The following KLHL1 variants were observed in gnomAD, a reference collection of about 807,000 sequenced individuals.
The protein encoded by KLHL1 is kelch like family member 1.
A neutral mutation model predicts 77.7 loss-of-function variants in KLHL1; 47 were observed. That is an observed-to-expected ratio of 0.60 (90% CI 0.48 to 0.77). KLHL1 has a LOEUF of 0.77. Ranked by LOEUF, KLHL1 falls within the 30% of genes least tolerant of loss-of-function variation. KLHL1 has a pLI of 0.00. For missense variants in KLHL1, 925 were observed against 910.8 expected (o/e 1.02, Z -0.20); for synonymous variants, 360 against 325.2 (o/e 1.11, Z -1.15).
intron 4 of KLHL1, among the ~76,000 whole-genome samples, chr13:69,887,093 G>T (rs1229965518): frequency 1.3e-5 from 2 of 152,098 alleles, no homozygotes; most frequent in Admixed American, 6.6e-5. Flanking sequence ...TAATCTTTGG[G>T]TCTAATGTTT....
chr13:69,784,990 C>T (rs36097461), intron 7 of KLHL1, among the ~76,000 whole-genome samples: 37,123 of 146,968 alleles, frequency 0.25, 4,721 homozygotes, highest in South Asian at 0.33. Context: ...CCCGGGTTCA[C>T]GCCATTCTCC....
chr13:69,878,921 A>G (rs1254485908), intron 5 of KLHL1, among the ~76,000 whole-genome samples: 1 of 152,206 alleles, frequency 6.6e-6, no homozygotes, highest in East Asian at 1.9e-4. Context: ...CTATGCAGCC[A>G]TAAAAAATGA....
chr13:69,789,422 C>T (rs966736862), intron 7 of KLHL1, among the ~76,000 whole-genome samples: 8 of 151,488 alleles, frequency 5.3e-5, no homozygotes, highest in South Asian at 4.1e-4. Context: ...ACTATTGAGT[C>T]GAGGAATCTG....
chr13:70,009,309 A>G (rs1885476530), intron 1 of KLHL1, among the ~76,000 whole-genome samples: 1 of 152,160 alleles, frequency 6.6e-6, no homozygotes, highest in South Asian at 2.1e-4. Flanking sequence ...GATGTCATTC[A>G]AAGCTTCTTG....
At chr13:69,925,137 G>A (rs1882771708) in intron 4 of KLHL1, among the ~76,000 whole-genome samples, 1 of 152,204 alleles carries the variant, frequency 6.6e-6, no homozygotes, top group Admixed American at 6.5e-5. Flanking sequence ...ACCGGACACA[G>A]AGGTTTTCAG....
chr13:70,048,360 C>T (rs1167713191), intron 1 of KLHL1, among the ~76,000 whole-genome samples: 1 of 152,216 alleles, frequency 6.6e-6, no homozygotes, highest in African/African-American at 2.4e-5. Flanking sequence ...GGTCTCTACA[C>T]TTATCTTTAA....
At chr13:69,770,961 C>G (rs1274316178) in intron 7 of KLHL1, among the ~76,000 whole-genome samples, 1 of 152,156 alleles carries the variant, frequency 6.6e-6, no homozygotes, top group African/African-American at 2.4e-5. Flanking sequence ...TTATATATCA[C>G]AAGTATGAAT....
chr13:70,072,292 A>T (rs1404908868), intron 1 of KLHL1, among the ~76,000 whole-genome samples: 1 of 152,142 alleles, frequency 6.6e-6, no homozygotes, highest in Non-Finnish European at 1.5e-5. Flanking sequence ...TTGAATAAAA[A>T]ACTAATAACT....
At chr13:70,078,189 C>CA (rs796176718) in intron 1 of KLHL1, among the ~76,000 whole-genome samples, 96 of 145,582 alleles carry the variant, frequency 6.6e-4, no homozygotes, top group East Asian at 4.2e-3. Context: ...TTAACTCAAT[C>CA]AAAAAAAAAA....
intron 4 of KLHL1, among the ~76,000 whole-genome samples, chr13:69,934,960 GTGTATA>G (rs1883122442): frequency 1.4e-5 from 1 of 73,896 alleles, no homozygotes; most frequent in South Asian, 5.0e-4. Context: ...GTGTGTGCAT[GTGTATA>G]TATATATATA....
intron 4 of KLHL1, among the ~76,000 whole-genome samples, chr13:69,889,215 C>A (rs1881335856): frequency 6.6e-6 from 1 of 151,974 alleles, no homozygotes; most frequent in African/African-American, 2.4e-5. Context: ...GGGTTTAAAA[C>A]GAATTTTACT....
chr13:70,058,508 C>T (rs1341393122), intron 1 of KLHL1, among the ~76,000 whole-genome samples: 2 of 152,056 alleles, frequency 1.3e-5, no homozygotes, highest in Non-Finnish European at 2.9e-5. Flanking sequence ...TATGAATAAA[C>T]TTAACCAAAG....
intron 1 of KLHL1, among the ~76,000 whole-genome samples, chr13:70,060,111 A>G (rs1886842259): frequency 6.6e-6 from 1 of 152,206 alleles, no homozygotes; most frequent in South Asian, 2.1e-4. Context: ...TGGGCAAAAG[A>G]TCTGAATAGA....
At chr13:69,703,535 TAG>T (rs1444157644) in intron 10 of KLHL1, among the ~76,000 whole-genome samples, 1 of 151,326 alleles carries the variant, frequency 6.6e-6, no homozygotes, top group East Asian at 1.9e-4. Context: ...AGCCTAAGTG[TAG>T]AGAGTTTTTT....
At chr13:70,084,045 T>C (rs1325150782) in intron 1 of KLHL1, among the ~76,000 whole-genome samples, 6 of 152,160 alleles carry the variant, frequency 3.9e-5, no homozygotes, top group South Asian at 2.1e-4. Flanking sequence ...ATGTGCTTTA[T>C]GAAAAGTAGT....
chr13:69,806,681 G>A (rs1182967530), intron 6 of KLHL1, among the ~76,000 whole-genome samples: 1 of 152,148 alleles, frequency 6.6e-6, no homozygotes, highest in East Asian at 1.9e-4. Flanking sequence ...AACCACTAGG[G>A]CCTCATGTCT....
chr13:70,002,599 C>G (rs1885321083), intron 1 of KLHL1, among the ~76,000 whole-genome samples: 1 of 151,410 alleles, frequency 6.6e-6, no homozygotes, highest in South Asian at 2.1e-4. Context: ...ATCTACAAAT[C>G]CAAAAATCTC....
intron 6 of KLHL1, among the ~76,000 whole-genome samples, chr13:69,830,685 C>G (rs948629930): frequency 6.7e-6 from 1 of 150,096 alleles, no homozygotes; most frequent in Non-Finnish European, 1.5e-5. Context: ...CCAAGATAGA[C>G]TGTATGACAA....
intron 7 of KLHL1, among the ~76,000 whole-genome samples, chr13:69,786,544 A>C (rs946330888): frequency 7.9e-5 from 12 of 152,182 alleles, no homozygotes; most frequent in Non-Finnish European, 1.6e-4. Context: ...ACCCACAGCC[A>C]ATATCGTACT....
Sources: gnomAD v4.1 joint callset for allele counts (sites outside exome capture counted in the v4.1 genomes callset) on GRCh38, gnomAD v4.1.1 for gene constraint, MANE v1.5 for transcripts, NCBI Gene and HGNC (gene_info 2026-07-23, HGNC 2026-07-21) for gene names.